The following ATP8A2 variants were observed in gnomAD, a reference collection of about 807,000 sequenced individuals.
The protein encoded by ATP8A2 is ATPase phospholipid transporting 8A2.
A neutral mutation model predicts 165.6 loss-of-function variants in ATP8A2; 100 were observed. The ratio of observed to expected loss-of-function variants is 0.60; its 90% CI spans 0.51 to 0.71. The LOEUF (loss-of-function observed/expected upper bound fraction) is 0.71, where lower values mean the gene tolerates loss of function less well. Among genes scored for constraint, ATP8A2 ranks in the 30% least tolerant of loss-of-function variants. The pLI, the probability that ATP8A2 is intolerant of heterozygous loss-of-function variation, is 0.00. For synonymous variants in ATP8A2, 543 were observed against 548.8 expected (o/e 0.99, Z 0.15); for missense variants, 1,227 against 1,479.5 (o/e 0.83, Z 2.80).
At chr13:25,959,144 C>A (rs921898023) in intron 33 of ATP8A2, among the ~76,000 whole-genome samples, 1 of 152,238 alleles carries the variant, frequency 6.6e-6, no homozygotes, top group African/African-American at 2.4e-5. Flanking sequence ...GTTTACCCTG[C>A]AGGCAGGACA....
chr13:25,717,431 A>C (rs1467702560), intron 25 of ATP8A2, among the ~76,000 whole-genome samples: 2 of 151,496 alleles, frequency 1.3e-5, no homozygotes, highest in South Asian at 2.1e-4. Context: ...AAAAAAAAAA[A>C]AAAAACACCA....
chr13:25,741,696 G>A (rs2043916614), intron 25 of ATP8A2, among the ~76,000 whole-genome samples: 1 of 152,032 alleles, frequency 6.6e-6, no homozygotes, highest in Non-Finnish European at 1.5e-5. Context: ...GATCTTAATT[G>A]AAAACTTAGG....
intron 33 of ATP8A2, among the ~76,000 whole-genome samples, chr13:25,959,035 C>T (rs1013233155): frequency 2.6e-5 from 4 of 152,062 alleles, no homozygotes; most frequent in African/African-American, 9.7e-5. Context: ...TGCATGTATC[C>T]CCACAAGTAC....
At chr13:25,742,697 T>TA (rs1555259571) in intron 25 of ATP8A2, among the ~76,000 whole-genome samples, 14 of 149,972 alleles carry the variant, frequency 9.3e-5, no homozygotes, top group East Asian at 1.9e-4. Context: ...TTTTTTTTTT[T>TA]ATGGTAAATC....
At chr13:25,599,606 T>C (rs539497371) in intron 24 of ATP8A2, among the ~76,000 whole-genome samples, 58 of 152,366 alleles carry the variant, frequency 3.8e-4, no homozygotes, top group African/African-American at 1.3e-3. Flanking sequence ...CACTTGGGTT[T>C]TTCTTTTGTA....
intron 1 of ATP8A2, among the ~76,000 whole-genome samples, chr13:25,392,607 G>A (rs2033286151): frequency 6.6e-6 from 1 of 152,126 alleles, no homozygotes; most frequent in Non-Finnish European, 1.5e-5. Context: ...TTAAATTATT[G>A]TAACTCATAA....
At chr13:25,865,363 T>TA (rs1952478217) in intron 33 of ATP8A2, among the ~76,000 whole-genome samples, 2 of 152,196 alleles carry the variant, frequency 1.3e-5, no homozygotes, top group Non-Finnish European at 2.9e-5. Flanking sequence ...TGAACCTGGT[T>TA]ATGTGAAGTT....
chr13:25,512,193 G>C (rs1473110051), intron 2 of ATP8A2, among the ~76,000 whole-genome samples: 1 of 151,022 alleles, frequency 6.6e-6, no homozygotes, highest in Admixed American at 6.6e-5. Flanking sequence ...AGAGAGCACA[G>C]GGTTGGGGGT....
At chr13:25,831,476 G>A (rs949394246) in intron 28 of ATP8A2, among the ~76,000 whole-genome samples, 2 of 152,046 alleles carry the variant, frequency 1.3e-5, no homozygotes, top group Non-Finnish European at 1.5e-5. Flanking sequence ...GCCTCCCAAA[G>A]TTCTGGGATT....
intron 2 of ATP8A2, among the ~76,000 whole-genome samples, chr13:25,515,418 T>G (rs543031324): frequency 6.6e-6 from 1 of 152,382 alleles, no homozygotes; most frequent in Admixed American, 6.5e-5. Context: ...ATACCATTTG[T>G]GAAGCTAGAG....
At chr13:25,519,551 C>T (rs1248136948) in intron 2 of ATP8A2, among the ~76,000 whole-genome samples, 1 of 152,012 alleles carries the variant, frequency 6.6e-6, no homozygotes, top group African/African-American at 2.4e-5. Context: ...TGATAAATCC[C>T]GGTCATCTTC....
chr13:25,676,364 C>T (rs1468616441), intron 24 of ATP8A2, among the ~76,000 whole-genome samples: 2 of 152,098 alleles, frequency 1.3e-5, no homozygotes, highest in Admixed American at 6.5e-5. Context: ...GCTCTTCCCC[C>T]GGCTTGAGTT....
At chr13:25,780,553 A>G (rs2044850323) in intron 27 of ATP8A2, among the ~76,000 whole-genome samples, 1 of 152,206 alleles carries the variant, frequency 6.6e-6, no homozygotes, top group African/African-American at 2.4e-5. Flanking sequence ...AGCTGTTTAA[A>G]AATTTGTCAA....
At chr13:25,714,492 A>G (rs2043215843) in intron 25 of ATP8A2, among the ~76,000 whole-genome samples, 1 of 152,170 alleles carries the variant, frequency 6.6e-6, no homozygotes, top group South Asian at 2.1e-4. Flanking sequence ...CTTTTGCCTA[A>G]TTATTGATAA....
At position 25,383,245 on chromosome 13, in the gene ATP8A2, C is replaced by T. The variant is rs148916450; in HGVS notation, c.76+10957C>T. 7.6e-3 allele frequency among the ~76,000 whole-genome samples: 1,147 copies of T among 151,702 alleles called. 16 individuals are homozygous for T. Among genetic ancestry groups the T allele is most frequent in the African/African-American group, 0.027 (1,102 of 41,378 alleles). Reference sequence around the variant, plus strand: ...ATTTTTAGTAGAGACGGGGTTTCACCATGTTGGCCAGGATGGTCTCAATCT... The same window carrying T: ...ATTTTTAGTAGAGACGGGGTTTCACTATGTTGGCCAGGATGGTCTCAATCT... On this transcript the variant is annotated intron_variant, in intron 1 of 36. Coordinates refer to ENST00000381655, the MANE Select transcript of ATP8A2 (RefSeq NM_016529.6).
intron 27 of ATP8A2, among the ~76,000 whole-genome samples, chr13:25,791,542 TACACACAC>T (rs55661899): frequency 3.5e-5 from 5 of 143,062 alleles, no homozygotes; most frequent in South Asian, 2.4e-4. Flanking sequence ...CACACACACA[TACACACAC>T]ACACACACAC....
intron 30 of ATP8A2, among the ~76,000 whole-genome samples, chr13:25,853,411 GTA>G (rs1307887740): frequency 1.7e-5 from 2 of 116,672 alleles, no homozygotes; most frequent in South Asian, 5.1e-4. Context: ...ATATATATAT[GTA>G]TATATATATA....
chr13:25,393,483 T>C (rs1213734872), intron 1 of ATP8A2, among the ~76,000 whole-genome samples: 1 of 152,182 alleles, frequency 6.6e-6, no homozygotes, highest in Non-Finnish European at 1.5e-5. Context: ...TGGTGCAATC[T>C]CAGCTCACTG....
intron 35 of ATP8A2, among the ~76,000 whole-genome samples, chr13:25,990,198 A>G (rs774852010): frequency 6.6e-6 from 1 of 151,720 alleles, no homozygotes; most frequent in Non-Finnish European, 1.5e-5. Context: ...CAGTCCTTCA[A>G]CAAATAGTTT....
Sources: allele counts gnomAD v4.1 joint callset (sites outside exome capture counted in the v4.1 genomes callset), GRCh38; gene constraint gnomAD v4.1.1; transcripts MANE v1.5; gene names NCBI Gene and HGNC (gene_info 2026-07-23, HGNC 2026-07-21).